TCOF1: variants seen among roughly 807,000 people sequenced by gnomAD.
TCOF1 encodes treacle protein.
A neutral mutation model predicts 149.0 loss-of-function variants in TCOF1; 33 were observed. That is an observed-to-expected ratio of 0.22 (90% CI 0.17 to 0.30). The LOEUF is 0.30. TCOF1 is among the 10% of genes least tolerant of loss of function. The pLI, the probability that TCOF1 is intolerant of heterozygous loss-of-function variation, is 1.00. For missense variants in TCOF1, 1,728 were observed against 1,840.7 expected, an observed-to-expected ratio of 0.94 and a Z score of 1.12; for synonymous variants, 789 against 738.8, an observed-to-expected ratio of 1.07 and a Z score of -1.10.
At chr5:150,374,867 A>G (rs1399430339) in intron 9 of TCOF1, 56 bp downstream of exon 9, 9 of 1,609,080 alleles carry the variant, frequency 5.6e-6, no homozygotes, top group Non-Finnish European at 7.6e-6. Context: ...CAGCACCTGC[A>G]TGGGTGTGGC....
Position 150,384,080 on chromosome 5 carries a change from A to G in TCOF1, c.2860-3822A>G, listed in dbSNP as rs758017742. The G allele has an allele frequency of 1.6e-5, 21 of 1,277,438 alleles. No homozygotes were observed. In the South Asian group the frequency reaches 3.1e-4, roughly 19 times the overall value. 79.1% of individuals were successfully genotyped at this position (1,277,438 alleles called of 1,614,324 possible). ...TAACCACAGATCCTGGAGTTCTGCAACCTCCAGACCAGAGCGGTCTCATGA... is the reference window on the plus strand; with the variant it reads ...TAACCACAGATCCTGGAGTTCTGCAGCCTCCAGACCAGAGCGGTCTCATGA... On this transcript the variant is annotated intron_variant, in intron 17 of 26. Coordinates refer to ENST00000643257, the MANE Select transcript of TCOF1 (RefSeq NM_001371623.1).
Position 150,375,156 on chromosome 5 carries a change from C to A in TCOF1, c.1481C>A (p.Ala494Glu), listed in dbSNP as rs776675159. The stretch of plus-strand genomic sequence containing the variant: ...AGAGAGGCACTGGCAGCCATGAATG[C>A]AGCTCAGGTGAGGCTGGAAGCCGCC... ...SDREALAAMN[A>E]AQVKPLGKSP... Residue 494 changes from alanine (A) to glutamate (E), a missense_variant, in exon 10 of 27, where the codon GCA becomes GAA. Coordinates refer to ENST00000643257, the MANE Select transcript of TCOF1 (RefSeq NM_001371623.1). 3.1e-6 allele frequency: 5 copies of A among 1,613,508 alleles called. No homozygotes were observed. The East Asian group carries it at 1.1e-4, about 36-fold the overall frequency.
At chr5:150,377,417 A>G (rs916498416) in intron 14 of TCOF1, among the ~76,000 whole-genome samples, 1 of 152,230 alleles carries the variant, frequency 6.6e-6, no homozygotes, top group African/African-American at 2.4e-5. Flanking sequence ...GGGCCAGGCT[A>G]ATGTGGAACA....
chr5:150,388,676 G>A (rs1013162535), intron 18 of TCOF1, among the ~76,000 whole-genome samples: 1 of 152,186 alleles, frequency 6.6e-6, no homozygotes, highest in Non-Finnish European at 1.5e-5. Context: ...AGTGGCTCAC[G>A]CCTATAATCC....
intron 20 of TCOF1, 24 bp downstream of exon 20, chr5:150,391,681 G>A (rs1357003218): frequency 6.2e-7 from 1 of 1,601,664 alleles, no homozygotes. Flanking sequence ...GCCAGGGGAA[G>A]CAAGCCCACG....
At position 150,374,646 on chromosome 5, in the gene TCOF1, C is replaced by T. The variant is rs751252576; in HGVS notation, c.1113C>T (p.Val371=). ...QAKASGKTSQ[V]GAASAPAKES... ...AGGCCTCAGGAAAAACCTCTCAGGT[C>T]GGAGCTGCCTCAGCCCCTGCCAAGG... Residue 371 remains valine (V), a synonymous_variant, in exon 9 of 27, where the codon GTC becomes GTT. Transcript: ENST00000643257. 12 of 1,613,448 alleles carry T rather than the reference C, an allele frequency of 7.4e-6. No individual in the cohort carries two copies. Among genetic ancestry groups the T allele is most frequent in the South Asian group, 6.6e-5 (6 of 91,056 alleles).
At chr5:150,396,249 C>T (rs1023580123) in intron 23 of TCOF1, 33 bp from the exon 24 acceptor site, 4 of 1,611,990 alleles carry the variant, frequency 2.5e-6, no homozygotes, top group Non-Finnish European at 2.5e-6. Context: ...CCCAACTCTC[C>T]CAGATCTGTG....
chr5:150,379,433 TC>T, intron 16 of TCOF1, 25 bp downstream of exon 16: 1 of 1,613,628 alleles, frequency 6.2e-7, no homozygotes, highest in Non-Finnish European at 8.5e-7. Flanking sequence ...ATGGAGATCA[TC>T]CCCTACATGG....
At position 150,359,341 on chromosome 5, in the gene TCOF1, C is replaced by A. The variant is rs1353557040; in HGVS notation, c.108+1487C>A. On this transcript the variant is annotated intron_variant, in intron 1 of 26. Transcript: ENST00000643257. The stretch of plus-strand genomic sequence containing the variant: ...CATCCTGGGTGACAAGGCGAGACTC[C>A]ATCTCAAAAAAAAAAAAAACGTCCA... Among the ~76,000 whole-genome samples the A allele has an allele frequency of 4.9e-5, 7 of 141,726 alleles. No homozygotes were observed. The South Asian group carries it at 1.5e-3, about 31-fold the overall frequency. The allele number at this position is 141,726 out of a possible 152,430, so 93.0% of individuals were successfully genotyped here.
chr5:150,382,925 CT>C, intron 17 of TCOF1: 1 of 650,212 alleles, frequency 1.5e-6, no homozygotes, highest in Non-Finnish European at 2.6e-6. Flanking sequence ...GCAGGTATCC[CT>C]GTGCATGTGC....
rs1253292774 is a variant in TCOF1 at position 150,383,707 on chromosome 5, G to A, written c.2859+3975G>A. The A allele has an allele frequency of 1.9e-6, 3 of 1,550,820 alleles. No homozygotes were observed. In the African/African-American group the frequency reaches 4.1e-5, roughly 21 times the overall value. ...GGAAAGGTCCAAACGCTGGTCCCCT[G>A]GCTCCCTGTATCTCTCTGTTTTCTG... On this transcript the variant is annotated intron_variant, in intron 17 of 26. Coordinates refer to ENST00000643257, the MANE Select transcript of TCOF1 (RefSeq NM_001371623.1).
intron 3 of TCOF1, among the ~76,000 whole-genome samples, chr5:150,365,658 AT>A (rs776747910): frequency 6.6e-6 from 1 of 152,112 alleles, no homozygotes; most frequent in Non-Finnish European, 1.5e-5. Flanking sequence ...GTATTAATCA[AT>A]TTTATAAGCT....
chr5:150,387,929 G>A lies in TCOF1; in HGVS notation c.2887G>A (p.Asp963Asn), dbSNP rs1244148913. ...GATTAAACCCCCTCTGATTTTTGTC[G>A]ACCCTAATCGTAGTCCAGCTGGCCC... Reference protein sequence around the residue: ...QVIKPPLIFVDPNRSPAGPAA... With the variant: ...QVIKPPLIFVNPNRSPAGPAA... The change falls in exon 18 of 27, where the codon GAC becomes AAC. Residue 963 changes from aspartate (D) to asparagine (N), a missense_variant. Transcript: ENST00000643257. 4 of 1,613,622 alleles carry A rather than the reference G, an allele frequency of 2.5e-6. No individual in the cohort carries two copies. Among genetic ancestry groups the A allele is most frequent in the South Asian group, 1.1e-5 (1 of 91,044 alleles).
chr5:150,379,801 G>C (rs755200761), intron 17 of TCOF1, 69 bp downstream of exon 17: 211 of 1,560,360 alleles, frequency 1.4e-4, no homozygotes, highest in Middle Eastern at 3.4e-4. Flanking sequence ...GCTGGGCGTG[G>C]TGGCTCACAC....
chr5:150,396,873 A>G (rs774902185), intron 24 of TCOF1, 31 bp downstream of exon 24: 12 of 1,567,738 alleles, frequency 7.7e-6, no homozygotes, highest in Non-Finnish European at 9.5e-6. Flanking sequence ...GCCCACCCCA[A>G]GGGCTGCTGG....
At position 150,379,061 on chromosome 5, in the gene TCOF1, C is replaced by T; in HGVS notation, c.2478+19C>T. ...ATCCAAGGCAAGTGGGGCCAGAAGCCACAGGAGGTGTGGAGGGTTGGGGTA... is the reference window on the plus strand; with the variant it reads ...ATCCAAGGCAAGTGGGGCCAGAAGCTACAGGAGGTGTGGAGGGTTGGGGTA... On this transcript the variant is annotated intron_variant, in intron 15 of 26. Transcript: ENST00000643257. The T allele has an allele frequency of 6.2e-7, 1 of 1,613,888 alleles. No individual in the cohort carries two copies. The highest frequency in any genetic ancestry group is 1.1e-5 in the South Asian group (1 of 91,066).
chr5:150,392,140 G>A lies in TCOF1; in HGVS notation c.3481G>A (p.Glu1161Lys). Residue 1161 changes from glutamate to lysine, a missense_variant, in exon 21 of 27, where the codon GAA (glutamate) becomes AAA (lysine). Physicochemically the swap from Glu to Lys is moderately conservative, Grantham distance 56. Transcript: ENST00000643257. ...TTCTTCAGGGAGTGAGGAAGATGGT[G>A]AAGGGCCCCAGGGGGCCAAGTCAGC... Reference protein sequence around the residue: ...DSSSGSEEDGEGPQGAKSAHT... With the variant: ...DSSSGSEEDGKGPQGAKSAHT... The A allele has an allele frequency of 6.2e-7, 1 of 1,614,240 alleles. No homozygotes were observed. The highest frequency in any genetic ancestry group is 8.5e-7 in the Non-Finnish European group (1 of 1,180,042).
At chr5:150,387,186 G>GTT (rs1766463281) in intron 17 of TCOF1, among the ~76,000 whole-genome samples, 1 of 152,220 alleles carries the variant, frequency 6.6e-6, no homozygotes, top group Non-Finnish European at 1.5e-5. Flanking sequence ...CTAATAAGTT[G>GTT]ATCTACCCAG....
Position 150,393,549 on chromosome 5 carries a change from A to G in TCOF1, c.3781A>G (p.Thr1261Ala), listed in dbSNP as rs1308719373. Residue 1261 changes from threonine to alanine, a missense_variant, in exon 23 of 27, where the codon ACA becomes GCA. Physicochemically the swap from Thr to Ala is moderately conservative, Grantham distance 58. This residue lies in a region of TCOF1 where 1,696 missense variants were observed against 1,765.4 expected (regional missense o/e 0.96). Transcript: ENST00000643257. ...GGCAGCAGGCATGTTGTCCCCTAAA[A>G]CAGGTAAGTTAAGGTCTGCAGGAGG... ...QQAAGMLSPK[T>A]GGKEAASGTT... The G allele has an allele frequency of 1.2e-6, 2 of 1,614,060 alleles. No individual in the cohort carries two copies. Among genetic ancestry groups the G allele is most frequent in the East Asian group, 2.2e-5 (1 of 44,866 alleles).
Sources: gnomAD v4.1 joint callset for allele counts (sites outside exome capture counted in the v4.1 genomes callset) on GRCh38, gnomAD v4.1.1 for gene constraint, gnomAD v4.1.1 regional missense constraint, MANE v1.5 for transcripts, NCBI Gene and HGNC (gene_info 2026-07-23, HGNC 2026-07-21) for gene names.